Variants in HMCN1 observed in about 807,000 individuals in gnomAD.
HMCN1 encodes the protein hemicentin 1.
In HMCN1, 321 loss-of-function variants were observed where a neutral mutation model predicts 625.9. The observed-to-expected ratio is 0.51, with a 90% confidence interval of 0.47 to 0.56. The LOEUF (loss-of-function observed/expected upper bound fraction) is 0.56. Among genes scored for constraint, HMCN1 ranks in the 20% least tolerant of loss-of-function variants. The pLI, the probability that HMCN1 is intolerant of heterozygous loss-of-function variation, is 0.00. For missense variants in HMCN1, 6,588 were observed against 6,887.3 expected, an observed-to-expected ratio of 0.96 and a Z score of 1.54; for synonymous variants, 2,425 against 2,417.6, an observed-to-expected ratio of 1.00 and a Z score of -0.09.
At chr1:186,059,106 T>C (rs1657524851) in intron 46 of HMCN1, among the ~76,000 whole-genome samples, 1 of 151,998 alleles carries the variant, frequency 6.6e-6, no homozygotes, top group African/African-American at 2.4e-5. Context: ...CCAATACCTA[T>C]TTCTTGTTAT....
chr1:186,056,407 T>A (rs896371684), intron 45 of HMCN1, among the ~76,000 whole-genome samples: 2 of 152,010 alleles, frequency 1.3e-5, no homozygotes, highest in African/African-American at 4.8e-5. Context: ...TTTTAGGAAA[T>A]CTTTTCCTAT....
At chr1:186,174,184 GCA>G (rs763586939) in intron 102 of HMCN1, among the ~76,000 whole-genome samples, 85 of 152,172 alleles carry the variant, frequency 5.6e-4, no homozygotes, top group Non-Finnish European at 1.1e-3. Flanking sequence ...AAGCAATGTA[GCA>G]CTATTGCTCT....
chr1:185,989,071 G>A (rs571951513), intron 20 of HMCN1, among the ~76,000 whole-genome samples: 6 of 142,632 alleles, frequency 4.2e-5, no homozygotes, highest in South Asian at 2.2e-4. Flanking sequence ...GCAGTGGCAC[G>A]ATCTTGGCTC....
intron 4 of HMCN1, among the ~76,000 whole-genome samples, chr1:185,866,893 T>C (rs986616167): frequency 6.6e-6 from 1 of 152,084 alleles, no homozygotes; most frequent in Admixed American, 6.6e-5. Context: ...CTGGGGTACA[T>C]GTGCAGGATA....
chr1:186,166,131 C>A, intron 98 of HMCN1, 53 bp from the exon 99 acceptor site: 1 of 1,607,990 alleles, frequency 6.2e-7, no homozygotes, highest in Non-Finnish European at 8.5e-7. Context: ...TAATAACTCC[C>A]AGAAAGTAAG....
At chr1:186,162,942 TCAGA>T (rs1161640127) in intron 97 of HMCN1, among the ~76,000 whole-genome samples, 2 of 152,228 alleles carry the variant, frequency 1.3e-5, no homozygotes, top group Non-Finnish European at 1.5e-5. Context: ...TTCAAAGCTG[TCAGA>T]CAGGGACATT....
In HMCN1 at chr1:186,095,245, C is replaced by T; in HGVS notation, c.10297C>T (p.Pro3433Ser). 1 of 1,613,624 alleles carries T rather than the reference C, an allele frequency of 6.2e-7. No individual in the cohort carries two copies. The highest frequency in any genetic ancestry group is 8.5e-7 in the Non-Finnish European group (1 of 1,179,746). The change falls in exon 68 of 107, where the codon CCA becomes TCA. Residue 3433 changes from proline to serine, a missense_variant and splice_region_variant. This residue lies in a region of HMCN1 where 4,628 missense variants were observed against 4,853.1 expected (regional missense o/e 0.95). Transcript: ENST00000271588. ...NKHYNLQVFA[P>S]PNMDNSMGTE... The stretch of plus-strand genomic sequence containing the variant: ...TGCCCATGTTGTTTTCTATGTAGCA[C>T]CACCAAATATGGACAATTCAATGGG...
In HMCN1 at chr1:186,089,381, C is replaced by A. The variant is rs147022356; in HGVS notation, c.9727+626C>A. Among the ~76,000 whole-genome samples the A allele has an allele frequency of 1.1e-4, 17 of 152,062 alleles. 1 individual carries two copies. The East Asian group carries it at 1.4e-3, about 12-fold the overall frequency. On this transcript the variant is annotated intron_variant, in intron 63 of 106. Transcript: ENST00000271588. ...AAGTTGAAATACTTTTTCTTCCAAT[C>A]TTATAGTTATTAGGGAAAGAATTTC...
At chr1:186,183,815 C>T (rs1160260688) in intron 105 of HMCN1, among the ~76,000 whole-genome samples, 3 of 152,054 alleles carry the variant, frequency 2.0e-5, no homozygotes, top group South Asian at 2.1e-4. Flanking sequence ...TGCACTGAGG[C>T]GGCAGGATGG....
At chr1:185,962,374 C>A in intron 11 of HMCN1, 144 bp from the exon 12 acceptor site, 1 of 714,682 alleles carries the variant, frequency 1.4e-6, no homozygotes, top group Non-Finnish European at 2.5e-6. Context: ...TGGTTTCTTT[C>A]CTGCCATATC....
At chr1:186,032,646 G>A (rs545694485) in intron 36 of HMCN1, among the ~76,000 whole-genome samples, 1 of 152,162 alleles carries the variant, frequency 6.6e-6, no homozygotes, top group South Asian at 2.1e-4. Context: ...ATGCTGAACT[G>A]TGAGTCAATT....
chr1:185,936,218 G>A (rs2102501052), intron 11 of HMCN1, among the ~76,000 whole-genome samples: 1 of 152,042 alleles, frequency 6.6e-6, no homozygotes, highest in South Asian at 2.1e-4. Context: ...AATATAATTA[G>A]CAAGAATTTT....
intron 105 of HMCN1, among the ~76,000 whole-genome samples, chr1:186,187,318 C>T (rs544157496): frequency 6.6e-6 from 1 of 152,292 alleles, no homozygotes; most frequent in South Asian, 2.1e-4. Flanking sequence ...CTGGGCCACT[C>T]ATTTGATCCT....
intron 4 of HMCN1, among the ~76,000 whole-genome samples, chr1:185,907,642 T>C (rs1232480161): frequency 6.6e-6 from 1 of 152,116 alleles, no homozygotes; most frequent in East Asian, 1.9e-4. Context: ...AGAAAACATT[T>C]CTGTCTTTCA....
At chr1:185,967,985 A>C (rs1650541417) in intron 14 of HMCN1, among the ~76,000 whole-genome samples, 1 of 152,216 alleles carries the variant, frequency 6.6e-6, no homozygotes, top group South Asian at 2.1e-4. Flanking sequence ...GAGCAATACA[A>C]AATGGGTTCA....
chr1:186,099,492 T>C (rs2102433784), intron 68 of HMCN1, among the ~76,000 whole-genome samples: 1 of 152,238 alleles, frequency 6.6e-6, no homozygotes, highest in South Asian at 2.1e-4. Context: ...AGCCATCATT[T>C]AACTATAATT....
chr1:186,030,851 C>G (rs1336453963), intron 36 of HMCN1, among the ~76,000 whole-genome samples: 1 of 151,174 alleles, frequency 6.6e-6, no homozygotes, highest in Admixed American at 6.6e-5. Flanking sequence ...AGTAGTTTTC[C>G]TCAGTATTAT....
At chr1:185,949,742 A>T (rs1668543313) in intron 11 of HMCN1, among the ~76,000 whole-genome samples, 1 of 151,888 alleles carries the variant, frequency 6.6e-6, no homozygotes, top group African/African-American at 2.4e-5. Context: ...CTATCCAGTG[A>T]AAGTATCTGC....
At chr1:185,735,393 G>A (rs554185613) in intron 1 of HMCN1, among the ~76,000 whole-genome samples, 2 of 152,326 alleles carry the variant, frequency 1.3e-5, no homozygotes, top group African/African-American at 4.8e-5. Context: ...TACGAAGGCA[G>A]ACTTGGACAC....
Sources: allele counts gnomAD v4.1 joint callset (sites outside exome capture counted in the v4.1 genomes callset), GRCh38; gene constraint gnomAD v4.1.1; regional missense constraint gnomAD v4.1.1; transcripts MANE v1.5; gene names NCBI Gene and HGNC (gene_info 2026-07-23, HGNC 2026-07-21).